The following SPON1 variants were observed in gnomAD, a reference collection of about 807,000 sequenced individuals.
SPON1 encodes spondin 1, also known as spondin-1.
Under a neutral mutation model 111.7 loss-of-function variants are expected in SPON1, and 52 were observed. The ratio of observed to expected loss-of-function variants is 0.47; its 90% CI spans 0.37 to 0.59. The LOEUF is 0.59. Ranked by LOEUF, SPON1 falls within the 20% of genes least tolerant of loss-of-function variation. The pLI, the probability that SPON1 is intolerant of heterozygous loss-of-function variation, is 0.00. For missense variants in SPON1, 957 were observed against 1,068.5 expected (o/e 0.90, Z 1.46); for synonymous variants, 410 against 395.8 (o/e 1.04, Z -0.43).
At chr11:13,967,884 G>C (rs1554908187) in intron 1 of SPON1, among the ~76,000 whole-genome samples, 1 of 152,124 alleles carries the variant, frequency 6.6e-6, no homozygotes, top group Non-Finnish European at 1.5e-5. Context: ...ATGCTTAATG[G>C]TTGTGGAGAT....
chr11:14,101,431 A>AAAT (rs1271437442), intron 5 of SPON1, among the ~76,000 whole-genome samples: 4 of 151,212 alleles, frequency 2.6e-5, no homozygotes, highest in Non-Finnish European at 5.9e-5. Flanking sequence ...AATAATAATA[A>AAAT]AATAATAAAA....
At chr11:14,107,814 G>C (rs1849197036) in intron 5 of SPON1, among the ~76,000 whole-genome samples, 1 of 152,070 alleles carries the variant, frequency 6.6e-6, no homozygotes, top group Admixed American at 6.5e-5. Flanking sequence ...CCCCAGAAAA[G>C]AGTAGCCAAT....
chr11:14,134,561 A>G (rs544883285), intron 5 of SPON1, among the ~76,000 whole-genome samples: 212 of 152,248 alleles, frequency 1.4e-3, no homozygotes, highest in Non-Finnish European at 2.6e-3. Context: ...ACATCCTTTA[A>G]ATATAGCTAA....
intron 5 of SPON1, among the ~76,000 whole-genome samples, chr11:14,104,344 T>C (rs896542197): frequency 7.9e-5 from 12 of 152,182 alleles, no homozygotes; most frequent in Middle Eastern, 3.4e-3. Flanking sequence ...TGTTTTTTTT[T>C]CCCCTAGATG....
At chr11:14,262,146 A>G (rs1345824040) in intron 14 of SPON1, among the ~76,000 whole-genome samples, 2 of 152,220 alleles carry the variant, frequency 1.3e-5, no homozygotes, top group Non-Finnish European at 2.9e-5. Flanking sequence ...TCTCTACTGA[A>G]TGTCCCATTT....
At chr11:14,061,702 C>A (rs1344860622) in intron 3 of SPON1, among the ~76,000 whole-genome samples, 1 of 152,180 alleles carries the variant, frequency 6.6e-6, no homozygotes, top group Non-Finnish European at 1.5e-5. Context: ...TGATTAAATA[C>A]ACTTGGAGGC....
intron 2 of SPON1, among the ~76,000 whole-genome samples, chr11:13,999,218 AT>A (rs1398023896): frequency 1.3e-5 from 2 of 152,196 alleles, no homozygotes; most frequent in Admixed American, 1.3e-4. Context: ...AAACCCTCTT[AT>A]TTCATTTATG....
chr11:14,253,426 C>T (rs1849073287), intron 7 of SPON1, among the ~76,000 whole-genome samples: 1 of 152,224 alleles, frequency 6.6e-6, no homozygotes, highest in Non-Finnish European at 1.5e-5. Context: ...GATTTGGACA[C>T]TGAGACGCAG....
intron 2 of SPON1, among the ~76,000 whole-genome samples, chr11:14,027,783 C>T (rs1453763963): frequency 6.6e-6 from 1 of 152,230 alleles, no homozygotes; most frequent in Non-Finnish European, 1.5e-5. Context: ...GATGCCTCAT[C>T]TGCCTTGATG....
Position 14,259,398 on chromosome 11 carries a change from G to A in SPON1, c.1611G>A (p.Val537=), listed in dbSNP as rs1456032852. The A allele has an allele frequency of 1.2e-6, 2 of 1,611,396 alleles. No individual in the cohort carries two copies. Among genetic ancestry groups the A allele is most frequent in the African/African-American group, 2.7e-5 (2 of 74,900 alleles). ...AGCAGTTCCCGGAGGACGGCTCCGT[G>A]TGCACGCTGCCCACTGAGGAAACGG... ...YVKQFPEDGS[V]CTLPTEETEK... is the part of the protein sequence containing the mutation. Residue 537 remains valine, a synonymous_variant, in exon 12 of 16, where the codon GTG becomes GTA. Transcript: ENST00000576479. The surrounding 1 kb of genome is among the most constrained non-coding windows in gnomAD (Gnocchi z 5.0).
rs961309274 is a variant in SPON1 at position 14,019,156 on chromosome 11, A to G, written c.346-22365A>G. On this transcript the variant is annotated intron_variant, in intron 2 of 15. Transcript: ENST00000576479. ...CAAGGTTCCTTTAGTCATCCATAGT[A>G]TTTGGATGTATGGAGTCTGAGACCA... Among the ~76,000 whole-genome samples, 5 of 152,180 alleles carry G rather than the reference A, an allele frequency of 3.3e-5. No homozygotes were observed. The East Asian group carries it at 7.7e-4, about 24-fold the overall frequency.
chr11:13,971,465 G>A (rs939649307), intron 1 of SPON1, among the ~76,000 whole-genome samples: 4 of 152,192 alleles, frequency 2.6e-5, no homozygotes, highest in African/African-American at 9.7e-5. Context: ...CCAGCACATT[G>A]TGGAGTCATT....
chr11:14,123,181 C>T (rs1847414047), intron 5 of SPON1, among the ~76,000 whole-genome samples: 1 of 152,090 alleles, frequency 6.6e-6, no homozygotes, highest in African/African-American at 2.4e-5. Context: ...GATCCTCTCA[C>T]CTAGGCCTCC....
chr11:14,119,004 T>C (rs782522142), intron 5 of SPON1, among the ~76,000 whole-genome samples: 1 of 152,208 alleles, frequency 6.6e-6, no homozygotes, highest in Non-Finnish European at 1.5e-5. Context: ...ATAGTGATAC[T>C]GATGAGGATG....
chr11:14,099,718 A>G (rs1849128667), intron 5 of SPON1, among the ~76,000 whole-genome samples: 1 of 152,180 alleles, frequency 6.6e-6, no homozygotes, highest in Non-Finnish European at 1.5e-5. Context: ...CTATAAAGAA[A>G]TACCTGAGAC....
chr11:14,002,289 G>A (rs1377495674), intron 2 of SPON1, among the ~76,000 whole-genome samples: 7 of 152,024 alleles, frequency 4.6e-5, no homozygotes, highest in Non-Finnish European at 8.8e-5. Context: ...ATCTCTCTGG[G>A]CCCCAAGTCA....
intron 5 of SPON1, among the ~76,000 whole-genome samples, chr11:14,114,184 C>T (rs1554925759): frequency 6.6e-6 from 1 of 152,154 alleles, no homozygotes; most frequent in African/African-American, 2.4e-5. Flanking sequence ...CACTAACCAT[C>T]CCCACTTCCC....
chr11:14,260,861 G>A, intron 14 of SPON1, 109 bp downstream of exon 14: 1 of 1,280,528 alleles, frequency 7.8e-7, no homozygotes, highest in Non-Finnish European at 1.1e-6. Context: ...ATGGTTTGCT[G>A]GGGAAGAGTT....
chr11:14,237,681 GT>G (rs1848882893), intron 6 of SPON1, among the ~76,000 whole-genome samples: 1 of 152,238 alleles, frequency 6.6e-6, no homozygotes, highest in East Asian at 1.9e-4. Flanking sequence ...GTGGCACTGG[GT>G]TTTCCCCTGT....
Sources: gnomAD v4.1 joint callset for allele counts (sites outside exome capture counted in the v4.1 genomes callset) on GRCh38, gnomAD v4.1.1 for gene constraint, Gnocchi (gnomAD v3.1) non-coding constraint, MANE v1.5 for transcripts, NCBI Gene and HGNC (gene_info 2026-07-23, HGNC 2026-07-21) for gene names.